The following CACNA2D3 variants were observed in gnomAD, a reference collection of about 807,000 sequenced individuals.
The protein encoded by CACNA2D3 is voltage-dependent calcium channel subunit alpha-2/delta-3.
CACNA2D3 carries 60 observed loss-of-function variants against 160.6 expected under a neutral mutation model. The ratio of observed to expected loss-of-function variants is 0.37; its 90% CI spans 0.30 to 0.46. The LOEUF (loss-of-function observed/expected upper bound fraction) is 0.46. Among genes scored for constraint, CACNA2D3 ranks in the 20% least tolerant of loss-of-function variants. CACNA2D3 has a pLI of 1.00. For missense variants in CACNA2D3, 1,205 were observed against 1,365.0 expected, an observed-to-expected ratio of 0.88 and a Z score of 1.85; for synonymous variants, 558 against 492.9, an observed-to-expected ratio of 1.13 and a Z score of -1.75.
At chr3:54,185,456 C>G (rs972622091) in intron 2 of CACNA2D3, among the ~76,000 whole-genome samples, 3 of 152,074 alleles carry the variant, frequency 2.0e-5, no homozygotes, top group Non-Finnish European at 4.4e-5. Context: ...ATTTAAGATC[C>G]AAAATTTTAA....
At chr3:54,138,872 C>T (rs1699868536) in intron 2 of CACNA2D3, among the ~76,000 whole-genome samples, 1 of 152,192 alleles carries the variant, frequency 6.6e-6, no homozygotes, top group South Asian at 2.1e-4. Flanking sequence ...TGTCTTGTTC[C>T]ACCTCCTCCT....
In CACNA2D3 at chr3:54,531,362, G is replaced by T. The variant is rs187705047; in HGVS notation, c.544+27708G>T. Among the ~76,000 whole-genome samples, 400 of 152,332 alleles carry T rather than the reference G, an allele frequency of 2.6e-3. 1 individual carries two copies. Among genetic ancestry groups the T allele is most frequent in the Middle Eastern group, 0.01 (3 of 294 alleles). ...GAGGAAGTTGATAGGGAAGTATGAC[G>T]GAAGGATATTCATAGTTCCCTTTAA... On this transcript the variant is annotated intron_variant, in intron 5 of 37. Transcript: ENST00000474759.
chr3:54,362,015 A>G (rs1178420170), intron 3 of CACNA2D3, among the ~76,000 whole-genome samples: 2 of 152,222 alleles, frequency 1.3e-5, no homozygotes, highest in Admixed American at 6.5e-5. Flanking sequence ...AGATTATGAT[A>G]TGCTCAGCAT....
chr3:54,954,173 C>T (rs1310511455), intron 27 of CACNA2D3, among the ~76,000 whole-genome samples: 3 of 152,190 alleles, frequency 2.0e-5, no homozygotes, highest in Non-Finnish European at 4.4e-5. Context: ...CACCCAGTCG[C>T]ATCTGGTCTT....
chr3:54,326,179 G>A (rs991002895), intron 3 of CACNA2D3, among the ~76,000 whole-genome samples: 1 of 152,174 alleles, frequency 6.6e-6, no homozygotes, highest in Non-Finnish European at 1.5e-5. Context: ...AATTCCACAT[G>A]CAGCAAGACA....
intron 34 of CACNA2D3, among the ~76,000 whole-genome samples, chr3:55,012,055 G>A (rs1001381678): frequency 7.9e-5 from 12 of 152,240 alleles, no homozygotes; most frequent in African/African-American, 2.7e-4. Flanking sequence ...ATCAGACTGT[G>A]AGCTCTGAGA....
At position 54,122,643 on chromosome 3, in the gene CACNA2D3, C is replaced by A. The variant is rs1348273168; in HGVS notation, c.-71C>A. The A allele has an allele frequency of 1.0e-5, 10 of 977,676 alleles. No homozygotes were observed. The highest frequency in any genetic ancestry group is 1.1e-5 in the Non-Finnish European group (9 of 823,958). The allele number at this position is 977,676 out of a possible 1,614,324, so 60.6% of individuals were successfully genotyped here. A position where few individuals can be genotyped will look rare whatever the true frequency, so the allele number is the denominator to read the frequency against. ...CAGGCAGCCCCGCGCGCTCGCCCAC[C>A]GCCCGCTCCGCGCAGCTCCCCGCGG... On this transcript the variant is annotated 5_prime_UTR_variant, in exon 1 of 38. Coordinates refer to ENST00000474759, the MANE Select transcript of CACNA2D3 (RefSeq NM_018398.3).
In CACNA2D3 at chr3:54,293,570, T is replaced by C. The variant is rs1404177994; in HGVS notation, c.205-26872T>C. Among the ~76,000 whole-genome samples, 7 of 151,696 alleles carry C rather than the reference T, an allele frequency of 4.6e-5. No homozygotes were observed. The East Asian group carries it at 1.4e-3, about 29-fold the overall frequency. On this transcript the variant is annotated intron_variant, in intron 2 of 37. Coordinates refer to ENST00000474759, the MANE Select transcript of CACNA2D3 (RefSeq NM_018398.3). ...TGACTGAGTAATATTCTATTATATA[T>C]ATATATATCAATATATCACATCCAT...
At chr3:54,949,264 C>A (rs987831030) in intron 27 of CACNA2D3, among the ~76,000 whole-genome samples, 33 of 152,178 alleles carry the variant, frequency 2.2e-4, no homozygotes, top group African/African-American at 7.7e-4. Flanking sequence ...GAAGCCTACA[C>A]ATGCCACATG....
chr3:54,514,536 C>A (rs997691059), intron 5 of CACNA2D3, among the ~76,000 whole-genome samples: 7 of 152,190 alleles, frequency 4.6e-5, no homozygotes, highest in African/African-American at 1.4e-4. Flanking sequence ...AGACTCTGCC[C>A]ATGCTCTCTT....
At chr3:55,012,255 A>G (rs1383959672) in intron 34 of CACNA2D3, among the ~76,000 whole-genome samples, 1 of 152,122 alleles carries the variant, frequency 6.6e-6, no homozygotes, top group Non-Finnish European at 1.5e-5. Context: ...GCCCTTGTGC[A>G]AGTACTCCAT....
intron 25 of CACNA2D3, among the ~76,000 whole-genome samples, chr3:54,894,321 G>A (rs1452285901): frequency 6.6e-6 from 1 of 152,188 alleles, no homozygotes; most frequent in Non-Finnish European, 1.5e-5. Flanking sequence ...TCCTTTCGCA[G>A]TGACACCAGG....
chr3:54,857,345 A>G (rs909145061), intron 17 of CACNA2D3, among the ~76,000 whole-genome samples: 1 of 152,110 alleles, frequency 6.6e-6, no homozygotes, highest in South Asian at 2.1e-4. Context: ...CCATTCCTGT[A>G]TGTGTAGCAT....
chr3:54,758,482 C>T (rs1702017895), intron 12 of CACNA2D3, among the ~76,000 whole-genome samples: 1 of 152,094 alleles, frequency 6.6e-6, no homozygotes, highest in Admixed American at 6.6e-5. Flanking sequence ...CAGCACTCAA[C>T]AGACCTCTTG....
intron 5 of CACNA2D3, among the ~76,000 whole-genome samples, chr3:54,520,139 G>A (rs1701622925): frequency 6.6e-6 from 1 of 152,150 alleles, no homozygotes. Flanking sequence ...TAGATACTTC[G>A]GACTGAAGTT....
chr3:54,404,732 C>G (rs1559472459), intron 4 of CACNA2D3, among the ~76,000 whole-genome samples: 1 of 151,904 alleles, frequency 6.6e-6, no homozygotes, highest in African/African-American at 2.4e-5. Context: ...GTAGAAAACC[C>G]CAAAGACTCC....
At chr3:54,148,699 G>C (rs543505218) in intron 2 of CACNA2D3, among the ~76,000 whole-genome samples, 1 of 152,188 alleles carries the variant, frequency 6.6e-6, no homozygotes, top group Non-Finnish European at 1.5e-5. Flanking sequence ...AGCTCGGGCC[G>C]GGTGCGGTGG....
At chr3:54,162,538 C>A (rs1422186861) in intron 2 of CACNA2D3, among the ~76,000 whole-genome samples, 1 of 152,130 alleles carries the variant, frequency 6.6e-6, no homozygotes, top group Non-Finnish European at 1.5e-5. Flanking sequence ...GAGCTCGCTT[C>A]AAAAATCCTT....
At chr3:54,215,864 T>G (rs865794807) in intron 2 of CACNA2D3, among the ~76,000 whole-genome samples, 4 of 149,438 alleles carry the variant, frequency 2.7e-5, no homozygotes, top group Admixed American at 2.0e-4. Flanking sequence ...TATTCTGAGC[T>G]TACTGTTTTC....
Sources: allele counts gnomAD v4.1 joint callset (sites outside exome capture counted in the v4.1 genomes callset), GRCh38; gene constraint gnomAD v4.1.1; transcripts MANE v1.5; gene names NCBI Gene and HGNC (gene_info 2026-07-23, HGNC 2026-07-21).